The following PTK2B variants were observed in gnomAD, a reference collection of about 807,000 sequenced individuals.
PTK2B encodes protein-tyrosine kinase 2-beta.
In PTK2B, 71 loss-of-function variants were observed where a neutral mutation model predicts 142.9. The observed-to-expected ratio is 0.50, with a 90% CI of 0.41 to 0.61. The LOEUF is 0.61. Ranked by LOEUF, PTK2B falls within the 20% of genes least tolerant of loss-of-function variation. The pLI is 0.00. For synonymous variants in PTK2B, 519 were observed against 503.4 expected (o/e 1.03, Z -0.42); for missense variants, 1,105 against 1,320.4 (o/e 0.84, Z 2.53).
chr8:27,350,712 C>A lies in PTK2B; in HGVS notation c.-38+25031C>A, dbSNP rs182632490. Among the ~76,000 whole-genome samples, 179 of 151,980 alleles carry A rather than the reference C, an allele frequency of 1.2e-3. 1 individual carries two copies. Among genetic ancestry groups the A allele is most frequent in the African/African-American group, 3.5e-3 (143 of 41,446 alleles). ...AGGTATTTGGGGCTGGGCAAGGTGG[C>A]TGATGCCTGTAATCCCAGCACTTTG... On this transcript the variant is annotated intron_variant, in intron 1 of 30. Coordinates refer to ENST00000346049, the MANE Select transcript of PTK2B (RefSeq NM_173176.3).
intron 1 of PTK2B, among the ~76,000 whole-genome samples, chr8:27,396,814 G>A (rs1808076967): frequency 6.6e-6 from 1 of 152,240 alleles, no homozygotes; most frequent in Non-Finnish European, 1.5e-5. Flanking sequence ...GCTGTCTGCA[G>A]AACTGGGCTG....
intron 1 of PTK2B, among the ~76,000 whole-genome samples, chr8:27,346,556 T>A (rs901270406): frequency 6.6e-6 from 1 of 152,116 alleles, no homozygotes; most frequent in Non-Finnish European, 1.5e-5. Context: ...GAAAGAGAAA[T>A]AAAAGTTGCT....
chr8:27,444,293 G>A (rs371222214), intron 23 of PTK2B, 22 bp downstream of exon 23: 32 of 1,601,412 alleles, frequency 2.0e-5, no homozygotes, highest in Middle Eastern at 3.3e-4. Context: ...ACCAGAGGAC[G>A]GGAACTTCAG....
chr8:27,439,265 C>G (rs377058815), intron 19 of PTK2B, 44 bp from the exon 20 acceptor site: 18 of 1,570,038 alleles, frequency 1.1e-5, no homozygotes, highest in Admixed American at 1.7e-5. Context: ...CTGGATAATT[C>G]TGATCTTTCT....
chr8:27,331,632 AC>A (rs1803756539), intron 1 of PTK2B, among the ~76,000 whole-genome samples: 1 of 151,926 alleles, frequency 6.6e-6, no homozygotes, highest in Non-Finnish European at 1.5e-5. Context: ...GATTACAGGC[AC>A]CCACCACCAT....
chr8:27,316,210 T>G (rs1803090849), intron 3 of PTK2B, among the ~76,000 whole-genome samples: 1 of 152,082 alleles, frequency 6.6e-6, no homozygotes, highest in African/African-American at 2.4e-5. Context: ...GCCATCACCA[T>G]GTAAATTTGT....
At chr8:27,414,250 CTTCT>C (rs1463464785) in intron 2 of PTK2B, among the ~76,000 whole-genome samples, 4 of 50,734 alleles carry the variant, frequency 7.9e-5, no homozygotes, top group South Asian at 7.8e-4. Flanking sequence ...GTCACTGCTT[CTTCT>C]TTTTTTTTTT....
At chr8:27,425,838 C>CA (rs1799571260) in intron 5 of PTK2B, among the ~76,000 whole-genome samples, 1 of 152,168 alleles carries the variant, frequency 6.6e-6, no homozygotes, top group Non-Finnish European at 1.5e-5. Flanking sequence ...CATAGTTTTG[C>CA]CTTTTCCAGA....
In PTK2B at chr8:27,363,305, G is replaced by A. The variant is rs151290818; in HGVS notation, c.-37-34243G>A. 9.2e-5 allele frequency among the ~76,000 whole-genome samples: 14 copies of A among 152,316 alleles called. No homozygotes were observed. In the East Asian group the frequency reaches 2.5e-3, roughly 27 times the overall value. On this transcript the variant is annotated intron_variant, in intron 1 of 30. Coordinates refer to ENST00000346049, the MANE Select transcript of PTK2B (RefSeq NM_173176.3). This position sits in a 1 kb window ranked among gnomAD's most constrained non-coding sequence, Gnocchi z 4.3. ...GCAGGTCCAGGGAAGGCCTGGGAGAGCAGAGGAGCTGTTTTCCACTAGTGA... is the reference window on the plus strand; with the variant it reads ...GCAGGTCCAGGGAAGGCCTGGGAGAACAGAGGAGCTGTTTTCCACTAGTGA...
In PTK2B at chr8:27,435,756, C is replaced by T. The variant is rs781451258; in HGVS notation, c.1206C>T (p.Tyr402=). The T allele has an allele frequency of 2.3e-5, 37 of 1,614,050 alleles. No individual in the cohort carries two copies. The African/African-American group carries it at 2.8e-4, about 12-fold the overall frequency. The change falls in exon 14 of 31, where the codon TAC becomes TAT. Residue 402 remains tyrosine (Y), a synonymous_variant. Transcript: ENST00000346049. The stretch of plus-strand genomic sequence containing the variant: ...CTGTTGTTCCAGAGTCAGACATCTA[C>T]GCAGAGATTCCCGACGAAACCCTGC... ...SESCSIESDI[Y]AEIPDETLRR... is the part of the protein sequence containing the mutation.
intron 5 of PTK2B, among the ~76,000 whole-genome samples, chr8:27,424,850 A>G (rs755861359): frequency 6.9e-6 from 1 of 145,704 alleles, no homozygotes; most frequent in African/African-American, 2.6e-5. Flanking sequence ...TCACCTGCCT[A>G]TAGATATACA....
At chr8:27,436,151 A>G (rs994160676) in intron 14 of PTK2B, 100 bp from the exon 15 acceptor site, 6 of 1,118,504 alleles carry the variant, frequency 5.4e-6, no homozygotes, top group Non-Finnish European at 6.7e-6. Context: ...GAGGTGTTAT[A>G]GATCTGGTGA....
Position 27,454,227 on chromosome 8 carries a change from C to T in PTK2B, c.2669C>T (p.Ala890Val), listed in dbSNP as rs140923137. 1.8e-5 allele frequency: 29 copies of T among 1,614,028 alleles called. No homozygotes were observed. The African/African-American group carries it at 2.8e-4, about 16-fold the overall frequency. The change falls in exon 29 of 31, where the codon GCC (alanine) becomes GTC (valine). Residue 890 changes from alanine (A) to valine (V), a missense_variant. Transcript: ENST00000346049. ...VYLNVMELVR[A>V]VLELKNELCQ... The stretch of plus-strand genomic sequence containing the variant: ...CTCAATGTCATGGAGCTGGTGCGGG[C>T]CGTGCTGGAGCTCAAGAATGAGCTC...
intron 3 of PTK2B, among the ~76,000 whole-genome samples, chr8:27,315,869 AGAT>A (rs1459908714): frequency 6.6e-6 from 1 of 152,076 alleles, no homozygotes. Context: ...ATAAAAGAAA[AGAT>A]GGAACTAATT....
chr8:27,437,490 T>C lies in PTK2B; in HGVS notation c.1521T>C (p.Tyr507=). ...GGATCATCATGGAATTGTATCCCTA[T>C]GGGGAGGTGAGCTGGAGGACCCTGC... ...PTWIIMELYP[Y]GELGHYLERN... Residue 507 remains tyrosine, a synonymous_variant, in exon 17 of 31, where the codon TAT becomes TAC. Transcript: ENST00000346049. The C allele has an allele frequency of 5.0e-6, 8 of 1,606,236 alleles. No individual in the cohort carries two copies. The highest frequency in any genetic ancestry group is 1.7e-4 in the Middle Eastern group (1 of 6,012).
chr8:27,349,987 C>T (rs995461810), intron 1 of PTK2B, among the ~76,000 whole-genome samples: 2 of 152,304 alleles, frequency 1.3e-5, no homozygotes, highest in African/African-American at 4.8e-5. Context: ...GGTTATCACC[C>T]GGTCAAGACT....
intron 2 of PTK2B, among the ~76,000 whole-genome samples, chr8:27,418,691 A>G (rs967852147): frequency 8.5e-5 from 13 of 152,224 alleles, no homozygotes; most frequent in African/African-American, 2.7e-4. Flanking sequence ...AGTGAGCTCA[A>G]TTCACCAACA....
intron 30 of PTK2B, 109 bp downstream of exon 30, chr8:27,454,720 A>C: frequency 8.7e-7 from 1 of 1,152,112 alleles, no homozygotes; most frequent in Non-Finnish European, 1.3e-6. Flanking sequence ...CTGTCCACTG[A>C]GTCCCCACCA....
chr8:27,331,941 C>T (rs1437707522), intron 1 of PTK2B, among the ~76,000 whole-genome samples: 2 of 152,214 alleles, frequency 1.3e-5, no homozygotes, highest in African/African-American at 4.8e-5. Context: ...AGTCCCCGCC[C>T]CCAGGTCCCA....
Sources: gnomAD v4.1 joint callset for allele counts (sites outside exome capture counted in the v4.1 genomes callset) on GRCh38, gnomAD v4.1.1 for gene constraint, Gnocchi (gnomAD v3.1) non-coding constraint, MANE v1.5 for transcripts, NCBI Gene and HGNC (gene_info 2026-07-23, HGNC 2026-07-21) for gene names.